The following PIK3R1 variants were observed in gnomAD, a reference collection of about 807,000 sequenced individuals.
The protein encoded by PIK3R1 is phosphatidylinositol 3-kinase regulatory subunit alpha.
A neutral mutation model predicts 98.0 loss-of-function variants in PIK3R1; 29 were observed. The observed-to-expected ratio is 0.30, with a 90% CI of 0.22 to 0.40. PIK3R1 has a LOEUF of 0.40. Among genes scored for constraint, PIK3R1 ranks in the 10% least tolerant of loss-of-function variants. The pLI, the probability that PIK3R1 is intolerant of heterozygous loss-of-function variation, is 1.00. For synonymous variants in PIK3R1, 282 were observed against 311.8 expected, an observed-to-expected ratio of 0.90 and a Z score of 1.01; for missense variants, 596 against 872.7, an observed-to-expected ratio of 0.68 and a Z score of 3.99.
intron 3 of PIK3R1, 166 bp downstream of exon 3, chr5:68,273,648 C>G (rs1746453324): frequency 6.2e-6 from 4 of 640,378 alleles, no homozygotes; most frequent in Non-Finnish European, 8.3e-6. Flanking sequence ...GGAAAAATGT[C>G]TCAGTCTATA....
At chr5:68,223,734 C>T (rs187410366) in intron 1 of PIK3R1, among the ~76,000 whole-genome samples, 1 of 152,280 alleles carries the variant, frequency 6.6e-6, no homozygotes, top group Admixed American at 6.5e-5. Flanking sequence ...TCATCATGTT[C>T]CTTAGGTTTC....
At chr5:68,237,890 A>G (rs140038923) in intron 2 of PIK3R1, among the ~76,000 whole-genome samples, 2 of 152,310 alleles carry the variant, frequency 1.3e-5, no homozygotes, top group African/African-American at 2.4e-5. Context: ...GAAAGGGCCC[A>G]GGGAACTGTC....
At chr5:68,283,736 C>T (rs1282671656) in intron 7 of PIK3R1, among the ~76,000 whole-genome samples, 1 of 152,228 alleles carries the variant, frequency 6.6e-6, no homozygotes, top group African/African-American at 2.4e-5. Flanking sequence ...TAGAGGTTCG[C>T]TCTGTGCTAC....
chr5:68,235,872 A>ATTTTTTTTTTTTTTTTTTTTTTTTTTTTT (rs56930555), intron 2 of PIK3R1, among the ~76,000 whole-genome samples: 1 of 146,644 alleles, frequency 6.8e-6, no homozygotes, highest in African/African-American at 2.5e-5. Context: ...TCTGCCAGGC[A>ATTTTTTTTTTTTTTTTTTTTTTTTTTTTT]TTTTTTTTTT....
intron 2 of PIK3R1, among the ~76,000 whole-genome samples, chr5:68,248,476 A>T (rs138379300): frequency 4.3e-4 from 66 of 152,312 alleles, no homozygotes; most frequent in African/African-American, 1.3e-3. Context: ...AAGATTACCA[A>T]AGATTAGTAA....
chr5:68,234,569 T>G (rs1242428218), intron 2 of PIK3R1, among the ~76,000 whole-genome samples: 1 of 152,234 alleles, frequency 6.6e-6, no homozygotes, highest in Non-Finnish European at 1.5e-5. Context: ...ATATTTAGGC[T>G]CTACTTCTGT....
intron 7 of PIK3R1, chr5:68,290,852 T>C: frequency 2.0e-6 from 3 of 1,494,698 alleles, no homozygotes; most frequent in Non-Finnish European, 2.8e-6. Context: ...TGCAGTATTA[T>C]TGTAGAGAGT....
intron 7 of PIK3R1, chr5:68,290,989 T>C: frequency 3.5e-6 from 2 of 564,006 alleles, no homozygotes; most frequent in South Asian, 5.3e-5. Flanking sequence ...TTAAACAGAT[T>C]GTTTGACTGT....
chr5:68,220,491 C>T (rs760669898), intron 1 of PIK3R1, among the ~76,000 whole-genome samples: 57 of 152,182 alleles, frequency 3.7e-4, no homozygotes, highest in Non-Finnish European at 6.6e-4. Context: ...ATGGCTACTG[C>T]GTGCCTAAGC....
chr5:68,281,008 TA>T lies in PIK3R1; in HGVS notation c.916+4del. On this transcript the variant is annotated splice_donor_region_variant and intron_variant, in intron 7 of 15. Coordinates refer to ENST00000521381, the MANE Select transcript of PIK3R1 (RefSeq NM_181523.3). ...GGAATGAACGACAGCCTGCACCAGG[TA>T]ATGCTTTTTGAGCATTTAACATTCT... 6.3e-7 allele frequency: 1 copy of T among 1,587,276 alleles called. No individual in the cohort carries two copies. The highest frequency in any genetic ancestry group is 8.6e-7 in the Non-Finnish European group (1 of 1,165,610).
chr5:68,273,839 G>A, intron 3 of PIK3R1, 100 bp from the exon 4 acceptor site: 1 of 882,402 alleles, frequency 1.1e-6, no homozygotes, highest in Non-Finnish European at 1.9e-6. Context: ...ATCTAGAACA[G>A]ATACTGGATG....
chr5:68,265,099 A>G (rs1279479914), intron 2 of PIK3R1, among the ~76,000 whole-genome samples: 1 of 151,936 alleles, frequency 6.6e-6, no homozygotes, highest in East Asian at 1.9e-4. Context: ...TCAAAGTGTG[A>G]TTGTGGTCCG....
Position 68,299,910 on chromosome 5 carries a change from T to C in PIK3R1, c.*2309T>C. 1 of 233,278 alleles carries C rather than the reference T, an allele frequency of 4.3e-6. No individual in the cohort carries two copies. Among genetic ancestry groups the C allele is most frequent in the Non-Finnish European group, 8.5e-6 (1 of 118,026 alleles). 14.5% of individuals were successfully genotyped at this position (233,278 alleles called of 1,614,324 possible). A position where few individuals can be genotyped will look rare whatever the true frequency, so the allele number is the denominator to read the frequency against. ...AGACAACTGACGATTTCCCTGGTTT[T>C]AGTCTGCGTCTCTGCTTTAAAGTTA... On this transcript the variant is annotated 3_prime_UTR_variant, in exon 16 of 16. Transcript: ENST00000521381.
chr5:68,293,081 G>T lies in PIK3R1; in HGVS notation c.1020-20G>T, dbSNP rs1189794703. The stretch of plus-strand genomic sequence containing the variant: ...GTCACTAAACCTTAAGATGAGCATT[G>T]TTTTGTGTTTTCATTTCAGGGAAGA... On this transcript the variant is annotated intron_variant, in intron 8 of 15. Transcript: ENST00000521381. 6.3e-7 allele frequency: 1 copy of T among 1,581,492 alleles called. No homozygotes were observed. The highest frequency in any genetic ancestry group is 1.1e-5 in the South Asian group (1 of 90,248).
Position 68,226,600 on chromosome 5 carries a change from A to G in PIK3R1, c.-76A>G, listed in dbSNP as rs972458074. ...GAATTCTAACACATTCTCTGAATTC[A>G]CTTTTCATAAAAACGTAAAATCAGA... On this transcript the variant is annotated 5_prime_UTR_variant, in exon 2 of 16. Transcript: ENST00000521381. 6.2e-5 allele frequency: 73 copies of G among 1,171,720 alleles called. No homozygotes were observed. In the African/African-American group the frequency reaches 9.5e-4, roughly 15 times the overall value. 72.6% of individuals were successfully genotyped at this position (1,171,720 alleles called of 1,614,324 possible). A position where few individuals can be genotyped will look rare whatever the true frequency, so the allele number is the denominator to read the frequency against.
chr5:68,255,539 G>A (rs1176024467), intron 2 of PIK3R1, among the ~76,000 whole-genome samples: 2 of 152,170 alleles, frequency 1.3e-5, no homozygotes, highest in Admixed American at 1.3e-4. Flanking sequence ...GGGGGGAAAT[G>A]AGTTAGTGAT....
chr5:68,279,622 G>A lies in PIK3R1; in HGVS notation c.523G>A (p.Glu175Lys). The change falls in exon 5 of 16, where the codon GAA (glutamate) becomes AAA (lysine). Residue 175 changes from glutamate (E) to lysine (K), a missense_variant. Glu to Lys is a moderately conservative substitution (Grantham distance 56). This residue lies in a region of PIK3R1 where 352 missense variants were observed against 393.3 expected (regional missense o/e 0.90). Transcript: ENST00000521381. ...LDCDTPSVDLEMIDVHVLADA... is the reference protein window; with the variant it reads ...LDCDTPSVDLKMIDVHVLADA... Reference sequence around the variant, plus strand: ...CCTAGATACACCCTCCGTGGACTTGGAAATGATCGATGTGCACGTTTTGGC... The same window carrying A: ...CCTAGATACACCCTCCGTGGACTTGAAAATGATCGATGTGCACGTTTTGGC... 1 of 1,613,792 alleles carries A rather than the reference G, an allele frequency of 6.2e-7. No homozygotes were observed. The highest frequency in any genetic ancestry group is 8.5e-7 in the Non-Finnish European group (1 of 1,179,862).
At chr5:68,288,612 C>T in intron 7 of PIK3R1, 1 of 1,566,640 alleles carries the variant, frequency 6.4e-7, no homozygotes, top group Non-Finnish European at 8.6e-7. Context: ...CGGACACGAG[C>T]ACTGCCTGCC....
rs942979230 is a variant in PIK3R1, at chr5:68,301,028, A to T, written c.*3427A>T. On this transcript the variant is annotated 3_prime_UTR_variant, in exon 16 of 16. Transcript: ENST00000521381. ...GTAACATGTTTGGGAAGTCCTACTG[A>T]TGTTCCTTTGGAAGAAAAAATCTGC... is the stretch of plus-strand genomic sequence containing the variant. 3.4e-5 allele frequency: 8 copies of T among 232,228 alleles called. No homozygotes were observed. Among genetic ancestry groups the T allele is most frequent in the Non-Finnish European group, 6.0e-5 (7 of 117,356 alleles). The allele number at this position is 232,228 out of a possible 1,614,324, so 14.4% of individuals were successfully genotyped here.
Sources: allele counts gnomAD v4.1 joint callset (sites outside exome capture counted in the v4.1 genomes callset), GRCh38; gene constraint gnomAD v4.1.1; regional missense constraint gnomAD v4.1.1; transcripts MANE v1.5; gene names NCBI Gene and HGNC (gene_info 2026-07-23, HGNC 2026-07-21).